ATP9B: variants seen among roughly 807,000 people sequenced by gnomAD.
ATP9B encodes probable phospholipid-transporting ATPase IIB.
Under a neutral mutation model 146.1 loss-of-function variants are expected in ATP9B, and 110 were observed. The observed-to-expected ratio is 0.75, with a 90% CI of 0.65 to 0.88. The LOEUF (loss-of-function observed/expected upper bound fraction) is 0.88. Among genes scored for constraint, ATP9B ranks in the 40% least tolerant of loss-of-function variants. The probability of loss-of-function intolerance (pLI) is 0.00; values close to 1 mark genes in which losing one functional copy is unlikely to be tolerated. For synonymous variants in ATP9B, 604 were observed against 569.7 expected (o/e 1.06, Z -0.86); for missense variants, 1,499 against 1,496.4 (o/e 1.00, Z -0.03).
At chr18:79,219,780 A>T (rs1166192825) in intron 11 of ATP9B, among the ~76,000 whole-genome samples, 2 of 152,184 alleles carry the variant, frequency 1.3e-5, no homozygotes, top group East Asian at 3.9e-4. Context: ...TACGTTCCTG[A>T]GGTTAAAAAA....
intron 15 of ATP9B, among the ~76,000 whole-genome samples, chr18:79,315,232 G>A (rs918693437): frequency 6.6e-6 from 1 of 152,166 alleles, no homozygotes; most frequent in Non-Finnish European, 1.5e-5. Context: ...TGCATGAGGC[G>A]TGCTGTATTT....
intron 12 of ATP9B, among the ~76,000 whole-genome samples, chr18:79,273,453 G>C (rs146557663): frequency 6.6e-6 from 1 of 152,140 alleles, no homozygotes; most frequent in African/African-American, 2.4e-5. Context: ...TCAGCTTTAC[G>C]ATCTGTAGGA....
At chr18:79,253,132 C>T (rs1312091888) in intron 11 of ATP9B, among the ~76,000 whole-genome samples, 1 of 152,234 alleles carries the variant, frequency 6.6e-6, no homozygotes, top group African/African-American at 2.4e-5. Flanking sequence ...CCTCCAGAGG[C>T]CGTGTCTGAG....
chr18:79,083,571 C>G (rs916780940), intron 1 of ATP9B, among the ~76,000 whole-genome samples: 1 of 152,144 alleles, frequency 6.6e-6, no homozygotes, highest in South Asian at 2.1e-4. Flanking sequence ...CTGCGGATTG[C>G]GAAGACCATG....
rs533663004 is a variant in ATP9B at position 79,132,022 on chromosome 18, T to A, written c.667+5647T>A. 2.0e-5 allele frequency among the ~76,000 whole-genome samples: 3 copies of A among 152,322 alleles called. No homozygotes were observed. The East Asian group carries it at 5.8e-4, about 29-fold the overall frequency. On this transcript the variant is annotated intron_variant, in intron 5 of 29. Transcript: ENST00000426216. ...TTCCTTTTTTGGTGATGAAAGTGTT[T>A]TGGGACTTGATAGAGTTGGTCGCAC...
At chr18:79,257,317 AACAAT>A (rs1192034491) in intron 12 of ATP9B, among the ~76,000 whole-genome samples, 1 of 152,232 alleles carries the variant, frequency 6.6e-6, no homozygotes, top group Admixed American at 6.5e-5. Context: ...AAAAGAAAGA[AACAAT>A]ACAAGGCAGC....
intron 10 of ATP9B, among the ~76,000 whole-genome samples, chr18:79,208,907 T>C (rs529294192): frequency 6.6e-6 from 1 of 152,164 alleles, no homozygotes; most frequent in Non-Finnish European, 1.5e-5. Flanking sequence ...TCTTCTGGGG[T>C]GGACAAGTGG....
At chr18:79,074,059 A>G (rs571829279) in intron 1 of ATP9B, among the ~76,000 whole-genome samples, 108 of 152,306 alleles carry the variant, frequency 7.1e-4, no homozygotes, top group African/African-American at 2.3e-3. Context: ...GATTCAGCAC[A>G]TAGGTCCTGG....
chr18:79,302,577 A>ATG (rs879462277), intron 13 of ATP9B, among the ~76,000 whole-genome samples: 4 of 152,262 alleles, frequency 2.6e-5, no homozygotes, highest in Non-Finnish European at 5.9e-5. Flanking sequence ...ACATATGCAC[A>ATG]TGTAATATGT....
intron 2 of ATP9B, among the ~76,000 whole-genome samples, chr18:79,101,010 C>CAAGA (rs1463111917): frequency 3.9e-5 from 6 of 152,008 alleles, no homozygotes; most frequent in Non-Finnish European, 7.3e-5. Context: ...CACAGCCAAA[C>CAAGA]CATATCAGGT....
intron 8 of ATP9B, among the ~76,000 whole-genome samples, chr18:79,191,413 T>G (rs1319399357): frequency 6.6e-6 from 1 of 152,192 alleles, no homozygotes; most frequent in East Asian, 1.9e-4. Context: ...TAGTTTTTGT[T>G]TTTTCATCCT....
At chr18:79,370,096 C>A (rs937739600) in intron 26 of ATP9B, among the ~76,000 whole-genome samples, 1 of 152,016 alleles carries the variant, frequency 6.6e-6, no homozygotes, top group African/African-American at 2.4e-5. Flanking sequence ...AAGACTCCAT[C>A]TCAAAAAAAT....
chr18:79,228,849 A>C (rs889669432), intron 11 of ATP9B, among the ~76,000 whole-genome samples: 2 of 152,006 alleles, frequency 1.3e-5, no homozygotes, highest in Non-Finnish European at 2.9e-5. Flanking sequence ...ACATGGCGAA[A>C]CCCTGTCTCT....
intron 19 of ATP9B, among the ~76,000 whole-genome samples, chr18:79,338,581 A>G (rs1294348175): frequency 6.6e-6 from 1 of 151,896 alleles, no homozygotes; most frequent in African/African-American, 2.4e-5. Flanking sequence ...CATCCTGACC[A>G]TCCTTCTTGG....
At chr18:79,115,049 G>A (rs904612113) in intron 4 of ATP9B, 8 of 153,472 alleles carry the variant, frequency 5.2e-5, no homozygotes, top group African/African-American at 2.0e-4. Flanking sequence ...ATCTCCTTAA[G>A]CTGATAAGCA....
intron 2 of ATP9B, among the ~76,000 whole-genome samples, chr18:79,104,441 A>G (rs911125006): frequency 1.3e-5 from 2 of 152,134 alleles, no homozygotes; most frequent in African/African-American, 4.8e-5. Flanking sequence ...CCATATAGTA[A>G]CAGTAGCATA....
At chr18:79,376,172 A>AAC (rs373840231) in intron 29 of ATP9B, 160,924 of 800,550 alleles carry the variant, frequency 0.2, 2,700 homozygotes, top group South Asian at 0.25. Context: ...CTACCTTAGA[A>AAC]ACACACACAC....
intron 11 of ATP9B, among the ~76,000 whole-genome samples, chr18:79,235,106 C>G (rs889444237): frequency 1.1e-4 from 17 of 152,174 alleles, no homozygotes; most frequent in African/African-American, 4.1e-4. Flanking sequence ...CTCCTAACCT[C>G]AGATGATCTG....
chr18:79,252,015 G>A (rs923961659), intron 11 of ATP9B, among the ~76,000 whole-genome samples: 3 of 152,250 alleles, frequency 2.0e-5, no homozygotes, highest in African/African-American at 4.8e-5. Flanking sequence ...AAAGGCAGTG[G>A]CCTCTCACCC....
Sources: allele counts gnomAD v4.1 joint callset (sites outside exome capture counted in the v4.1 genomes callset), GRCh38; gene constraint gnomAD v4.1.1; transcripts MANE v1.5; gene names NCBI Gene and HGNC (gene_info 2026-07-23, HGNC 2026-07-21).